The following CNTN5 variants were observed in gnomAD, a reference collection of about 807,000 sequenced individuals.
CNTN5 encodes contactin-5.
CNTN5 carries 77 observed loss-of-function variants against 129.1 expected under a neutral mutation model. That is an observed-to-expected ratio of 0.60 (90% CI 0.50 to 0.72). The LOEUF (loss-of-function observed/expected upper bound fraction) is 0.72, where lower values mean the gene tolerates loss of function less well. Among genes scored for constraint, CNTN5 ranks in the 30% least tolerant of loss-of-function variants. The pLI, the probability that CNTN5 is intolerant of heterozygous loss-of-function variation, is 0.00. For missense variants in CNTN5, 1,478 were observed against 1,328.8 expected, an observed-to-expected ratio of 1.11 and a Z score of -1.75; for synonymous variants, 509 against 465.6, an observed-to-expected ratio of 1.09 and a Z score of -1.20.
chr11:100,053,468 A>T (rs1943065596), intron 9 of CNTN5, among the ~76,000 whole-genome samples: 1 of 151,772 alleles, frequency 6.6e-6, no homozygotes, highest in Non-Finnish European at 1.5e-5. Context: ...AAAACATCCA[A>T]AGTAGCTCCA....
intron 6 of CNTN5, among the ~76,000 whole-genome samples, chr11:99,891,995 G>A (rs371180325): frequency 1.1e-4 from 16 of 152,188 alleles, no homozygotes; most frequent in African/African-American, 2.9e-4. Context: ...AGCATCTGTC[G>A]TTTCCTGACT....
At chr11:100,047,367 A>G (rs1942736666) in intron 9 of CNTN5, among the ~76,000 whole-genome samples, 1 of 152,092 alleles carries the variant, frequency 6.6e-6, no homozygotes, top group Non-Finnish European at 1.5e-5. Context: ...AAGATTACAA[A>G]CAAGTTTTAC....
intron 3 of CNTN5, among the ~76,000 whole-genome samples, chr11:99,817,028 G>A (rs1466334044): frequency 6.6e-6 from 1 of 152,174 alleles, no homozygotes; most frequent in East Asian, 1.9e-4. Flanking sequence ...CTGAATGAGA[G>A]TTTTCTCTAC....
At chr11:99,864,958 G>T (rs1298381354) in intron 6 of CNTN5, among the ~76,000 whole-genome samples, 1 of 152,094 alleles carries the variant, frequency 6.6e-6, no homozygotes, top group Non-Finnish European at 1.5e-5. Flanking sequence ...ACAATCATTG[G>T]CATATAATAA....
At chr11:99,289,581 T>G (rs1471871289) in intron 1 of CNTN5, among the ~76,000 whole-genome samples, 2 of 151,804 alleles carry the variant, frequency 1.3e-5, no homozygotes, top group Admixed American at 1.3e-4. Flanking sequence ...ACCTTTTATG[T>G]ATTCAATCTA....
At chr11:100,068,728 T>C (rs145408501) in intron 10 of CNTN5, among the ~76,000 whole-genome samples, 4 of 152,332 alleles carry the variant, frequency 2.6e-5, no homozygotes, top group African/African-American at 7.2e-5. Context: ...TTTTGAATGA[T>C]AGCTTGCAGG....
At chr11:99,792,434 G>T (rs1350215733) in intron 3 of CNTN5, among the ~76,000 whole-genome samples, 1 of 152,006 alleles carries the variant, frequency 6.6e-6, no homozygotes, top group Non-Finnish European at 1.5e-5. Context: ...ACTTGACTGT[G>T]GTGGGCTAGG....
chr11:99,924,804 T>C (rs1460604969), intron 7 of CNTN5, among the ~76,000 whole-genome samples: 3 of 152,198 alleles, frequency 2.0e-5, no homozygotes, highest in Non-Finnish European at 2.9e-5. Flanking sequence ...AATCTTAATA[T>C]AGCTATTTAA....
At chr11:100,108,483 A>G (rs891078004) in intron 13 of CNTN5, among the ~76,000 whole-genome samples, 1 of 152,158 alleles carries the variant, frequency 6.6e-6, no homozygotes, top group Non-Finnish European at 1.5e-5. Context: ...GCTTCAATAA[A>G]TACTTGCTAA....
At chr11:99,448,002 A>G (rs1484120652) in intron 2 of CNTN5, among the ~76,000 whole-genome samples, 2 of 152,184 alleles carry the variant, frequency 1.3e-5, no homozygotes, top group African/African-American at 4.8e-5. Context: ...TGTAGAGAAA[A>G]TCTCTAAAAT....
chr11:100,270,817 GAAAT>G (rs1255397607), intron 17 of CNTN5, among the ~76,000 whole-genome samples: 1 of 152,164 alleles, frequency 6.6e-6, no homozygotes, highest in African/African-American at 2.4e-5. Flanking sequence ...AGGGATTGAT[GAAAT>G]AATTATTAGT....
At chr11:99,523,612 A>C (rs1024124133) in intron 2 of CNTN5, among the ~76,000 whole-genome samples, 2 of 39,618 alleles carry the variant, frequency 5.0e-5, no homozygotes, top group Non-Finnish European at 9.9e-5. Context: ...AATAGAATAG[A>C]ATAGAATAGA....
chr11:99,394,696 AC>A (rs1941430662), intron 2 of CNTN5, among the ~76,000 whole-genome samples: 1 of 151,084 alleles, frequency 6.6e-6, no homozygotes, highest in African/African-American at 2.4e-5. Flanking sequence ...CCTTTCTCTC[AC>A]CCTTCATCCT....
intron 3 of CNTN5, among the ~76,000 whole-genome samples, chr11:99,780,042 A>G (rs1198711171): frequency 6.6e-6 from 1 of 152,024 alleles, no homozygotes; most frequent in Non-Finnish European, 1.5e-5. Flanking sequence ...TCAGCATAGA[A>G]GGAGTCTGGA....
At position 99,163,796 on chromosome 11, in the gene CNTN5, C is replaced by A. The variant is rs150380600; in HGVS notation, c.-210+142526C>A. On this transcript the variant is annotated intron_variant, in intron 1 of 24. Coordinates refer to ENST00000524871, the MANE Select transcript of CNTN5 (RefSeq NM_014361.4). ...GTTTGAATGTCACATTTAACCTCAG[C>A]CTACCTTTGTTCCCATGCAGAGATT... Among the ~76,000 whole-genome samples the A allele has an allele frequency of 1.4e-3, 209 of 152,236 alleles. 6 individuals are homozygous for A. In the East Asian group the frequency reaches 0.034, roughly 25 times the overall value.
At chr11:99,383,289 AG>A (rs1180157509) in intron 2 of CNTN5, among the ~76,000 whole-genome samples, 1 of 152,346 alleles carries the variant, frequency 6.6e-6, no homozygotes, top group East Asian at 1.9e-4. Flanking sequence ...AGAAATGATG[AG>A]TTACTAGCTT....
intron 1 of CNTN5, among the ~76,000 whole-genome samples, chr11:99,274,276 G>A (rs767027669): frequency 3.4e-4 from 52 of 151,756 alleles, no homozygotes; most frequent in Middle Eastern, 3.4e-3. Context: ...CTATGATATC[G>A]TGGTGACAGA....
At chr11:99,439,799 A>G (rs1461799302) in intron 2 of CNTN5, among the ~76,000 whole-genome samples, 3 of 152,026 alleles carry the variant, frequency 2.0e-5, no homozygotes, top group African/African-American at 7.2e-5. Flanking sequence ...TTTAGATAAG[A>G]TACATGCATC....
chr11:99,579,829 T>C (rs1460393029), intron 3 of CNTN5, among the ~76,000 whole-genome samples: 3 of 151,118 alleles, frequency 2.0e-5, no homozygotes, highest in Non-Finnish European at 4.4e-5. Context: ...TATTCCCTTC[T>C]CCTGCCTGAC....
Sources: gnomAD v4.1 joint callset for allele counts (sites outside exome capture counted in the v4.1 genomes callset) on GRCh38, gnomAD v4.1.1 for gene constraint, MANE v1.5 for transcripts, NCBI Gene and HGNC (gene_info 2026-07-23, HGNC 2026-07-21) for gene names.